Variants in CSMD2 observed in about 807,000 individuals in gnomAD.
The protein encoded by CSMD2 is CUB and Sushi multiple domains 2.
Under a neutral mutation model 398.5 loss-of-function variants are expected in CSMD2, and 130 were observed. The observed-to-expected ratio is 0.33, with a 90% confidence interval of 0.28 to 0.38. CSMD2 has a LOEUF of 0.38. CSMD2 is among the 10% of genes least tolerant of loss of function. CSMD2 has a pLI of 1.00. For synonymous variants in CSMD2, 1,828 were observed against 1,908.5 expected, an observed-to-expected ratio of 0.96 and a Z score of 1.10; for missense variants, 3,829 against 4,764.9, an observed-to-expected ratio of 0.80 and a Z score of 5.78.
At chr1:33,930,655 A>G (rs10799010) in intron 4 of CSMD2, among the ~76,000 whole-genome samples, 49,651 of 152,078 alleles carry the variant, frequency 0.33, 8,544 homozygotes, top group African/African-American at 0.45. Flanking sequence ...GCCCTCATAA[A>G]TCAGAGGCCT....
chr1:33,981,536 G>A (rs1006993218), intron 3 of CSMD2, among the ~76,000 whole-genome samples: 6 of 152,156 alleles, frequency 3.9e-5, no homozygotes, highest in East Asian at 1.9e-4. Context: ...TCATTTGATC[G>A]TCATAACAAC....
At chr1:33,706,144 T>A (rs983513081) in intron 22 of CSMD2, among the ~76,000 whole-genome samples, 2 of 152,188 alleles carry the variant, frequency 1.3e-5, no homozygotes, top group Non-Finnish European at 2.9e-5. Flanking sequence ...AAATCTTCCA[T>A]GATGGCTGTA....
chr1:33,787,586 G>A (rs543177111), intron 12 of CSMD2, among the ~76,000 whole-genome samples: 5 of 152,252 alleles, frequency 3.3e-5, no homozygotes, highest in African/African-American at 4.8e-5. Context: ...ATGCCACTTC[G>A]TTTGCTTTCC....
intron 12 of CSMD2, 58 bp from the exon 13 acceptor site, chr1:33,772,809 A>G: frequency 2.1e-6 from 3 of 1,456,778 alleles, no homozygotes; most frequent in South Asian, 2.5e-5. Flanking sequence ...CCTCTTTTGG[A>G]GCTGAAGGTC....
At chr1:33,767,010 A>T (rs950047234) in intron 13 of CSMD2, among the ~76,000 whole-genome samples, 1 of 152,236 alleles carries the variant, frequency 6.6e-6, no homozygotes, top group Non-Finnish European at 1.5e-5. Context: ...CTAGAAATTT[A>T]TTCTAAGGAA....
At chr1:33,767,790 C>A (rs1372279) in intron 13 of CSMD2, among the ~76,000 whole-genome samples, 12,332 of 152,214 alleles carry the variant, frequency 0.081, 591 homozygotes, top group South Asian at 0.16. Context: ...TTGCTTCATA[C>A]AGGTAACTCG....
At chr1:33,918,963 T>C (rs1643862149) in intron 4 of CSMD2, among the ~76,000 whole-genome samples, 1 of 152,250 alleles carries the variant, frequency 6.6e-6, no homozygotes, top group East Asian at 1.9e-4. Context: ...CCTTTTTCCT[T>C]CTACTTCATC....
chr1:33,818,290 G>A (rs1309429355), intron 9 of CSMD2, among the ~76,000 whole-genome samples: 3 of 152,128 alleles, frequency 2.0e-5, no homozygotes, highest in African/African-American at 7.2e-5. Flanking sequence ...CATTCATTCC[G>A]TCATCCATTC....
At chr1:33,580,931 A>T in intron 47 of CSMD2, 32 bp from the exon 48 acceptor site, 1 of 1,609,974 alleles carries the variant, frequency 6.2e-7, no homozygotes, top group Non-Finnish European at 8.5e-7. Context: ...ATTACAGACC[A>T]TGGGAGCCAT....
In CSMD2 at chr1:33,739,409, C is replaced by G. The variant is rs1646986261; in HGVS notation, c.2174-75G>C. ...AGAATCCCTAAAGAAAATTAGCTTC[C>G]TTGGGATGGGAAACCCTAGAACTCC... On this transcript the variant is annotated intron_variant, in intron 14 of 70. Transcript: ENST00000373381. 3 of 1,407,152 alleles carry G rather than the reference C, an allele frequency of 2.1e-6. No individual in the cohort carries two copies. The South Asian group carries it at 4.2e-5, about 20-fold the overall frequency. The allele number at this position is 1,407,152 out of a possible 1,614,324, so 87.2% of individuals were successfully genotyped here. A position where few individuals can be genotyped will look rare whatever the true frequency, so the allele number is the denominator to read the frequency against.
intron 5 of CSMD2, chr1:33,870,907 C>G (rs1340314550): frequency 6.6e-6 from 1 of 151,916 alleles, no homozygotes; most frequent in Non-Finnish European, 1.5e-5. Context: ...TATGGAGAGG[C>G]TCATGTGGCA....
Position 33,716,433 on chromosome 1 carries a change from C to A in CSMD2, c.3070G>T (p.Gly1024Cys). Residue 1024 changes from glycine (G) to cysteine (C), a missense_variant, in exon 20 of 71, where the codon GGC becomes TGC. By Grantham distance (159) the Gly-to-Cys change is radical (BLOSUM62 -3). Coordinates refer to ENST00000373381, the MANE Select transcript of CSMD2 (RefSeq NM_001281956.2). ...GHDYLLITEN[G>C]SFTQPLRQLT... ...TGCCTCAGGGGCTGGGTGAAGCTGC[C>A]GTTCTCAGTGATGAGGAGGTAGTCA... 6.2e-7 allele frequency: 1 copy of A among 1,613,928 alleles called. No individual in the cohort carries two copies. The highest frequency in any genetic ancestry group is 8.5e-7 in the Non-Finnish European group (1 of 1,180,014).
intron 1 of CSMD2, among the ~76,000 whole-genome samples, chr1:34,089,423 G>A (rs1658302740): frequency 6.6e-6 from 1 of 152,052 alleles, no homozygotes; most frequent in Admixed American, 6.5e-5. Context: ...TTTAATCAAG[G>A]CTTACAACAA....
intron 3 of CSMD2, among the ~76,000 whole-genome samples, chr1:33,942,140 C>T (rs1040897774): frequency 6.6e-6 from 1 of 152,198 alleles, no homozygotes; most frequent in South Asian, 2.1e-4. Flanking sequence ...ATTATCATCA[C>T]TTGTTGAGAT....
chr1:33,739,412 G>A lies in CSMD2; in HGVS notation c.2174-78C>T. Reference sequence around the variant, plus strand: ...ATCCCTAAAGAAAATTAGCTTCCTTGGGATGGGAAACCCTAGAACTCCACC... The same window carrying A: ...ATCCCTAAAGAAAATTAGCTTCCTTAGGATGGGAAACCCTAGAACTCCACC... On this transcript the variant is annotated intron_variant, in intron 14 of 70. Transcript: ENST00000373381. 5 of 1,387,586 alleles carry A rather than the reference G, an allele frequency of 3.6e-6. No homozygotes were observed. The South Asian group carries it at 7.1e-5, about 20-fold the overall frequency. The allele number at this position is 1,387,586 out of a possible 1,614,324, so 86.0% of individuals were successfully genotyped here. A position where few individuals can be genotyped will look rare whatever the true frequency, so the allele number is the denominator to read the frequency against.
At chr1:34,002,182 A>C (rs1229130942) in intron 3 of CSMD2, among the ~76,000 whole-genome samples, 1 of 152,230 alleles carries the variant, frequency 6.6e-6, no homozygotes, top group Non-Finnish European at 1.5e-5. Context: ...CTAGATGTCA[A>C]GGGTGATGCC....
intron 5 of CSMD2, among the ~76,000 whole-genome samples, chr1:33,902,680 C>T (rs1420857654): frequency 6.6e-6 from 1 of 152,178 alleles, no homozygotes; most frequent in East Asian, 1.9e-4. Context: ...CCCCCTCAGC[C>T]ATATCTCCAG....
intron 44 of CSMD2, among the ~76,000 whole-genome samples, chr1:33,597,118 T>C (rs1639893781): frequency 6.6e-6 from 1 of 152,206 alleles, no homozygotes; most frequent in South Asian, 2.1e-4. Context: ...TTTAATGTTA[T>C]AAAATCTTTC....
At chr1:34,035,656 C>T (rs901114434) in intron 2 of CSMD2, among the ~76,000 whole-genome samples, 1 of 146,700 alleles carries the variant, frequency 6.8e-6, no homozygotes, top group Non-Finnish European at 1.5e-5. Flanking sequence ...CATTTCAACA[C>T]CCGTTTGTAG....
Sources: allele counts gnomAD v4.1 joint callset (sites outside exome capture counted in the v4.1 genomes callset), GRCh38; gene constraint gnomAD v4.1.1; transcripts MANE v1.5; gene names NCBI Gene and HGNC (gene_info 2026-07-23, HGNC 2026-07-21).